The following RCAN2 variants were observed in gnomAD, a reference collection of about 807,000 sequenced individuals.
RCAN2 encodes regulator of calcineurin 2.
A neutral mutation model predicts 23.6 loss-of-function variants in RCAN2; 9 were observed. The observed-to-expected ratio is 0.38, with a 90% CI of 0.23 to 0.67. The LOEUF (loss-of-function observed/expected upper bound fraction) is 0.67. RCAN2 is among the 30% of genes least tolerant of loss of function. The probability of loss-of-function intolerance (pLI) is 0.51; values close to 1 mark genes in which losing one functional copy is unlikely to be tolerated. For missense variants in RCAN2, 273 were observed against 302.3 expected (o/e 0.90, Z 0.72); for synonymous variants, 109 against 115.7 (o/e 0.94, Z 0.37).
chr6:46,411,557 G>T (rs1766550290), intron 2 of RCAN2, among the ~76,000 whole-genome samples: 1 of 152,166 alleles, frequency 6.6e-6, no homozygotes, highest in East Asian at 1.9e-4. Context: ...GAAGAAAACA[G>T]TACAGACAAA....
intron 2 of RCAN2, among the ~76,000 whole-genome samples, chr6:46,390,313 G>A (rs969652679): frequency 6.6e-6 from 1 of 152,150 alleles, no homozygotes; most frequent in Non-Finnish European, 1.5e-5. Flanking sequence ...GTTCACAATT[G>A]TTAATAGTCT....
At chr6:46,372,173 A>T (rs762202620) in intron 2 of RCAN2, among the ~76,000 whole-genome samples, 2 of 152,210 alleles carry the variant, frequency 1.3e-5, no homozygotes, top group Non-Finnish European at 2.9e-5. Flanking sequence ...AACCATGGAA[A>T]AGACAAAAGG....
At chr6:46,251,844 G>A (rs948504679) in intron 2 of RCAN2, among the ~76,000 whole-genome samples, 8 of 152,252 alleles carry the variant, frequency 5.3e-5, no homozygotes, top group Admixed American at 2.6e-4. Context: ...AGAATTGGCC[G>A]TTGACGTGAA....
chr6:46,323,371 T>G lies in RCAN2; in HGVS notation c.226-74475A>C, dbSNP rs144644759. Among the ~76,000 whole-genome samples the G allele has an allele frequency of 2.2e-3, 323 of 149,882 alleles. 1 individual carries two copies. Among genetic ancestry groups the G allele is most frequent in the African/African-American group, 7.8e-3 (312 of 39,970 alleles). Reference sequence around the variant, plus strand: ...ATGAGAAGACTAAGGCCCAGAAAGATTAGGTAACCTTTCTAAAAAAAAAAA... The same window carrying G: ...ATGAGAAGACTAAGGCCCAGAAAGAGTAGGTAACCTTTCTAAAAAAAAAAA... On this transcript the variant is annotated intron_variant, in intron 2 of 4. Transcript: ENST00000371374.
chr6:46,467,128 T>C (rs1768407812), intron 1 of RCAN2, among the ~76,000 whole-genome samples: 1 of 152,180 alleles, frequency 6.6e-6, no homozygotes. Flanking sequence ...CTAACTTATT[T>C]CTTATCTTCC....
intron 2 of RCAN2, chr6:46,325,812 C>A: frequency 7.6e-6 from 8 of 1,048,018 alleles, no homozygotes; most frequent in Non-Finnish European, 9.2e-6. Context: ...AATCTGAACT[C>A]AGACTAAATC....
At position 46,288,522 on chromosome 6, in the gene RCAN2, G is replaced by A. The variant is rs573841078; in HGVS notation, c.226-39626C>T. Among the ~76,000 whole-genome samples the A allele has an allele frequency of 3.3e-5, 5 of 152,272 alleles. No homozygotes were observed. In the South Asian group the frequency reaches 1.0e-3, roughly 32 times the overall value. ...ATAGAGGGGAGAATCCTCAACCTAT[G>A]GATGATTTGAGGCTAAACAGACTAG... On this transcript the variant is annotated intron_variant, in intron 2 of 4. Transcript: ENST00000371374.
intron 2 of RCAN2, among the ~76,000 whole-genome samples, chr6:46,391,280 T>C (rs1210801296): frequency 1.3e-5 from 2 of 152,182 alleles, no homozygotes; most frequent in African/African-American, 2.4e-5. Context: ...GAAACCATCA[T>C]TCTCAGCAAA....
At chr6:46,312,943 C>A (rs1377827738) in intron 2 of RCAN2, among the ~76,000 whole-genome samples, 1 of 152,236 alleles carries the variant, frequency 6.6e-6, no homozygotes, top group Non-Finnish European at 1.5e-5. Context: ...AGCCACTCCT[C>A]TGCTGAACAT....
chr6:46,468,125 G>A (rs1768446720), intron 1 of RCAN2, among the ~76,000 whole-genome samples: 1 of 152,212 alleles, frequency 6.6e-6, no homozygotes, highest in Non-Finnish European at 1.5e-5. Context: ...AATCACTCAT[G>A]AAATATTAGC....
intron 2 of RCAN2, among the ~76,000 whole-genome samples, chr6:46,358,791 A>T (rs1323167593): frequency 1.3e-5 from 2 of 152,232 alleles, no homozygotes; most frequent in Non-Finnish European, 2.9e-5. Context: ...ATCACCTGGG[A>T]GATAAGAAAA....
intron 2 of RCAN2, among the ~76,000 whole-genome samples, chr6:46,317,305 T>A (rs1161138783): frequency 6.6e-6 from 1 of 152,196 alleles, no homozygotes; most frequent in East Asian, 1.9e-4. Context: ...GCTAACATGA[T>A]CTCAACTACT....
At chr6:46,395,972 C>T (rs1766078201) in intron 2 of RCAN2, among the ~76,000 whole-genome samples, 1 of 152,146 alleles carries the variant, frequency 6.6e-6, no homozygotes, top group South Asian at 2.1e-4. Flanking sequence ...TTTCACAACC[C>T]TGCACGTCAC....
intron 2 of RCAN2, among the ~76,000 whole-genome samples, chr6:46,394,237 G>T (rs957645650): frequency 1.3e-5 from 2 of 152,184 alleles, no homozygotes; most frequent in African/African-American, 4.8e-5. Context: ...CAGAATTCAA[G>T]AACTCAATTC....
At chr6:46,295,243 C>G (rs972434004) in intron 2 of RCAN2, among the ~76,000 whole-genome samples, 1 of 152,008 alleles carries the variant, frequency 6.6e-6, no homozygotes, top group Non-Finnish European at 1.5e-5. Flanking sequence ...GTTAACAGCT[C>G]CATTTACAGA....
intron 2 of RCAN2, among the ~76,000 whole-genome samples, chr6:46,417,882 A>G (rs1401699540): frequency 2.0e-5 from 3 of 152,258 alleles, no homozygotes; most frequent in African/African-American, 7.2e-5. Flanking sequence ...ACTTAATTGC[A>G]GAAGCTATTA....
intron 2 of RCAN2, among the ~76,000 whole-genome samples, chr6:46,302,338 A>G (rs1762928676): frequency 6.6e-6 from 1 of 152,072 alleles, no homozygotes; most frequent in Non-Finnish European, 1.5e-5. Context: ...ATTAGACATC[A>G]AGCGATGTGT....
chr6:46,395,075 G>T (rs1160135946), intron 2 of RCAN2, among the ~76,000 whole-genome samples: 1 of 152,156 alleles, frequency 6.6e-6, no homozygotes, highest in African/African-American at 2.4e-5. Flanking sequence ...TAGGGTGTTG[G>T]AGATAGATCA....
chr6:46,361,206 A>G (rs1765002202), intron 2 of RCAN2, among the ~76,000 whole-genome samples: 1 of 152,206 alleles, frequency 6.6e-6, no homozygotes. Context: ...GGAGAACTCT[A>G]TCCTGGGGGA....
Sources: gnomAD v4.1 joint callset for allele counts (sites outside exome capture counted in the v4.1 genomes callset) on GRCh38, gnomAD v4.1.1 for gene constraint, MANE v1.5 for transcripts, NCBI Gene and HGNC (gene_info 2026-07-23, HGNC 2026-07-21) for gene names.